SCN2A: variants seen among roughly 807,000 people sequenced by gnomAD.
The protein encoded by SCN2A is sodium voltage-gated channel alpha subunit 2.
In SCN2A, 20 loss-of-function variants were observed where a neutral mutation model predicts 188.7. That is an observed-to-expected ratio of 0.11 (90% CI 0.07 to 0.15). The LOEUF (loss-of-function observed/expected upper bound fraction) is 0.15, where lower values mean the gene tolerates loss of function less well. Among genes scored for constraint, SCN2A ranks in the 10% least tolerant of loss-of-function variants. The pLI is 1.00. For synonymous variants in SCN2A, 804 were observed against 833.1 expected (o/e 0.97, Z 0.60); for missense variants, 1,278 against 2,445.0 (o/e 0.52, Z 10.07).
At chr2:165,284,993 G>A (rs888098095) in intron 1 of SCN2A, among the ~76,000 whole-genome samples, 1 of 152,074 alleles carries the variant, frequency 6.6e-6, no homozygotes, top group Non-Finnish European at 1.5e-5. Flanking sequence ...TAAAATACAG[G>A]TATATTTCTT....
At chr2:165,385,717 AT>A (rs1360343208) in intron 25 of SCN2A, among the ~76,000 whole-genome samples, 1 of 152,180 alleles carries the variant, frequency 6.6e-6, no homozygotes, top group Non-Finnish European at 1.5e-5. Flanking sequence ...TAGAATGATG[AT>A]TTTTAAAACA....
intron 1 of SCN2A, chr2:165,269,174 T>A (rs1433599737): frequency 6.6e-6 from 1 of 152,014 alleles, no homozygotes; most frequent in African/African-American, 2.4e-5. Flanking sequence ...AATATAAATA[T>A]CTGAGGTGAA....
At chr2:165,349,650 A>G (rs904667115) in intron 16 of SCN2A, among the ~76,000 whole-genome samples, 2 of 152,190 alleles carry the variant, frequency 1.3e-5, no homozygotes, top group African/African-American at 4.8e-5. Flanking sequence ...CTGGGTGTAA[A>G]TTTAATTTTT....
intron 23 of SCN2A, among the ~76,000 whole-genome samples, chr2:165,379,503 G>C (rs956366954): frequency 7.9e-5 from 12 of 151,616 alleles, no homozygotes; most frequent in Non-Finnish European, 1.6e-4. Context: ...GGTACACCAA[G>C]GGTTTCTGAA....
At chr2:165,304,866 C>T (rs1314616803) in intron 3 of SCN2A, among the ~76,000 whole-genome samples, 1 of 152,188 alleles carries the variant, frequency 6.6e-6, no homozygotes, top group Non-Finnish European at 1.5e-5. Context: ...TGTGTTAAGA[C>T]ATTTGATCAT....
intron 17 of SCN2A, among the ~76,000 whole-genome samples, chr2:165,364,513 A>G (rs1700625077): frequency 3.9e-5 from 6 of 152,384 alleles, no homozygotes; most frequent in Admixed American, 3.3e-4. Context: ...AGTAGTTTCC[A>G]AATGCACAAT....
At chr2:165,380,935 A>G in intron 24 of SCN2A, 158 bp from the exon 25 acceptor site, 1 of 683,230 alleles carries the variant, frequency 1.5e-6, no homozygotes, top group South Asian at 1.9e-5. Context: ...TATGACTAAT[A>G]TGGCATAATT....
chr2:165,372,772 T>G, intron 20 of SCN2A: 1 of 161,994 alleles, frequency 6.2e-6, no homozygotes, highest in Non-Finnish European at 1.4e-5. Flanking sequence ...CATGCTCATA[T>G]TCACCAGTGG....
intron 1 of SCN2A, among the ~76,000 whole-genome samples, chr2:165,286,715 G>T (rs182536034): frequency 6.6e-6 from 1 of 152,172 alleles, no homozygotes; most frequent in African/African-American, 2.4e-5. Flanking sequence ...AGGTATTGTT[G>T]CCTGGATGAA....
intron 1 of SCN2A, among the ~76,000 whole-genome samples, chr2:165,275,527 G>C (rs773595539): frequency 2.6e-5 from 4 of 152,126 alleles, no homozygotes; most frequent in Non-Finnish European, 4.4e-5. Flanking sequence ...TGTATCCCAA[G>C]CATCTGGAAG....
chr2:165,317,231 C>G (rs973062014), intron 11 of SCN2A, among the ~76,000 whole-genome samples: 1 of 151,808 alleles, frequency 6.6e-6, no homozygotes, highest in Non-Finnish European at 1.5e-5. Flanking sequence ...TACTTGGTCT[C>G]TTTCATTTTG....
chr2:165,380,863 C>A (rs992949291), intron 24 of SCN2A, 134 bp downstream of exon 24: 4 of 814,730 alleles, frequency 4.9e-6, no homozygotes, highest in African/African-American at 1.7e-5. Flanking sequence ...ATTTGATAAT[C>A]GATAAGCTTT....
intron 1 of SCN2A, among the ~76,000 whole-genome samples, chr2:165,261,100 C>T (rs1224767323): frequency 6.6e-6 from 1 of 151,838 alleles, no homozygotes; most frequent in African/African-American, 2.4e-5. Context: ...AAACAGTTGT[C>T]ATATTGTAAT....
chr2:165,299,099 T>C (rs1696658654), intron 3 of SCN2A, among the ~76,000 whole-genome samples: 1 of 151,784 alleles, frequency 6.6e-6, no homozygotes, highest in African/African-American at 2.4e-5. Context: ...AAAACTATTG[T>C]CCCCACTTGA....
Position 165,291,491 on chromosome 2 carries a change from T to TTTA in SCN2A, c.-51-4280_-51-4279insATT, listed in dbSNP as rs1389976633. 1.3e-4 allele frequency among the ~76,000 whole-genome samples: 5 copies of TTTA among 38,834 alleles called. 1 individual carries two copies. The highest frequency in any genetic ancestry group is 7.1e-4 in the Admixed American group (2 of 2,836). The allele number at this position is 38,834 out of a possible 152,430, so 25.5% of individuals were successfully genotyped here. A position where few individuals can be genotyped will look rare whatever the true frequency, so the allele number is the denominator to read the frequency against. ...CTTTCTTTCTTTCTTTCTTTCTTTCTTTTCTTTCTTTCTTTCTTTCTTCCT... is the reference window on the plus strand; with the variant it reads ...CTTTCTTTCTTTCTTTCTTTCTTTCTTTATTTCTTTCTTTCTTTCTTTCTTCCT... On this transcript the variant is annotated intron_variant, in intron 1 of 26. Transcript: ENST00000375437.
At chr2:165,373,634 C>CACTT (rs1321448438) in intron 21 of SCN2A, among the ~76,000 whole-genome samples, 3 of 152,046 alleles carry the variant, frequency 2.0e-5, no homozygotes, top group Non-Finnish European at 4.4e-5. Flanking sequence ...TATTTATGTT[C>CACTT]ACTTCATTTA....
At chr2:165,309,536 T>C (rs1697323743) in intron 6 of SCN2A, 93 bp downstream of exon 6, 1 of 1,437,312 alleles carries the variant, frequency 7.0e-7, no homozygotes, top group Non-Finnish European at 9.7e-7. Flanking sequence ...AGTTGCATAT[T>C]GCAAATAAAT....
chr2:165,380,886 A>T, intron 24 of SCN2A, 157 bp downstream of exon 24: 2 of 718,968 alleles, frequency 2.8e-6, no homozygotes, highest in Non-Finnish European at 2.3e-6. Flanking sequence ...AGCAATTAAT[A>T]ATTCAGATAG....
intron 1 of SCN2A, chr2:165,273,014 C>G (rs353120): frequency 0.74 from 112,359 of 151,978 alleles, 41,761 homozygotes; most frequent in Middle Eastern, 0.79. Context: ...TCACAATCAG[C>G]CAGTGTTTTA....
Sources: gnomAD v4.1 joint callset for allele counts (sites outside exome capture counted in the v4.1 genomes callset) on GRCh38, gnomAD v4.1.1 for gene constraint, MANE v1.5 for transcripts, NCBI Gene and HGNC (gene_info 2026-07-23, HGNC 2026-07-21) for gene names.